The following SLIT3 variants were observed in gnomAD, a reference collection of about 807,000 sequenced individuals.
SLIT3 encodes the protein slit guidance ligand 3.
A neutral mutation model predicts 184.0 loss-of-function variants in SLIT3; 68 were observed. That is an observed-to-expected ratio of 0.37 (90% CI 0.30 to 0.45). The LOEUF (loss-of-function observed/expected upper bound fraction) is 0.45, where lower values mean the gene tolerates loss of function less well. Ranked by LOEUF, SLIT3 falls within the 20% of genes least tolerant of loss-of-function variation. The pLI, the probability that SLIT3 is intolerant of heterozygous loss-of-function variation, is 1.00. For synonymous variants in SLIT3, 831 were observed against 828.6 expected (o/e 1.00, Z -0.05); for missense variants, 1,707 against 2,026.0 (o/e 0.84, Z 3.02).
intron 6 of SLIT3, among the ~76,000 whole-genome samples, chr5:168,830,085 G>A (rs996264649): frequency 2.6e-5 from 4 of 152,280 alleles, no homozygotes; most frequent in African/African-American, 9.6e-5. Context: ...CAGGCCCTAC[G>A]ACACTCAGGT....
At chr5:168,739,364 G>T (rs1365963853) in intron 20 of SLIT3, among the ~76,000 whole-genome samples, 1 of 151,956 alleles carries the variant, frequency 6.6e-6, no homozygotes, top group Middle Eastern at 3.2e-3. Flanking sequence ...AATCAAAGAA[G>T]AACACCCATA....
intron 1 of SLIT3, among the ~76,000 whole-genome samples, chr5:169,263,274 C>T (rs1486403813): frequency 6.6e-6 from 1 of 152,086 alleles, no homozygotes; most frequent in Non-Finnish European, 1.5e-5. Context: ...CCCAGGGGGG[C>T]AGAGGCTGCA....
chr5:169,102,981 T>G (rs967780164), intron 4 of SLIT3, among the ~76,000 whole-genome samples: 3 of 152,210 alleles, frequency 2.0e-5, no homozygotes, highest in African/African-American at 4.8e-5. Context: ...AAACTGAATC[T>G]TCGCTAAAAC....
intron 1 of SLIT3, among the ~76,000 whole-genome samples, chr5:169,299,497 A>G (rs1387477499): frequency 6.6e-6 from 1 of 152,040 alleles, no homozygotes; most frequent in Non-Finnish European, 1.5e-5. Flanking sequence ...GAGGGAATCT[A>G]CCACACTAGA....
At chr5:168,818,739 G>C (rs115607812) in intron 7 of SLIT3, among the ~76,000 whole-genome samples, 1,785 of 152,286 alleles carry the variant, frequency 0.012, 17 homozygotes, top group African/African-American at 0.028. Context: ...TCTTGACCAA[G>C]CTCCACTTAG....
intron 4 of SLIT3, among the ~76,000 whole-genome samples, chr5:169,078,743 G>A (rs1758846638): frequency 6.6e-6 from 1 of 152,182 alleles, no homozygotes; most frequent in Non-Finnish European, 1.5e-5. Context: ...CAGTGTGGTA[G>A]GTGATATGTA....
intron 4 of SLIT3, among the ~76,000 whole-genome samples, chr5:169,107,216 C>T (rs1212706574): frequency 6.6e-6 from 1 of 152,236 alleles, no homozygotes; most frequent in African/African-American, 2.4e-5. Flanking sequence ...GTCTCCCTCT[C>T]TCTTTTTCAT....
chr5:168,700,966 G>C (rs545347647), intron 26 of SLIT3, among the ~76,000 whole-genome samples: 4 of 152,356 alleles, frequency 2.6e-5, no homozygotes, highest in African/African-American at 9.6e-5. Context: ...TGCAGGGCAA[G>C]AGCCCAGGCT....
chr5:169,045,414 T>G (rs1488394187), intron 4 of SLIT3, among the ~76,000 whole-genome samples: 1 of 144,674 alleles, frequency 6.9e-6, no homozygotes, highest in Admixed American at 7.0e-5. Context: ...TTCTTCCAAG[T>G]GTAGTCCATG....
intron 4 of SLIT3, among the ~76,000 whole-genome samples, chr5:169,061,014 A>C (rs934184314): frequency 5.3e-5 from 8 of 152,096 alleles, no homozygotes; most frequent in Non-Finnish European, 7.4e-5. Context: ...CAACTTTGTC[A>C]CCTCCCTGCA....
At chr5:169,100,932 C>T (rs1412530530) in intron 4 of SLIT3, among the ~76,000 whole-genome samples, 1 of 152,182 alleles carries the variant, frequency 6.6e-6, no homozygotes, top group Non-Finnish European at 1.5e-5. Flanking sequence ...CTCAAAGTGT[C>T]CTTCTGTGTT....
intron 4 of SLIT3, among the ~76,000 whole-genome samples, chr5:169,159,579 C>A (rs148078161): frequency 1.3e-5 from 2 of 151,342 alleles, no homozygotes. Flanking sequence ...ATCGAGACCA[C>A]CCTGGCTAAC....
chr5:169,216,889 G>C lies in SLIT3; in HGVS notation c.342-23339C>G, dbSNP rs555666152. Among the ~76,000 whole-genome samples the C allele has an allele frequency of 5.3e-5, 8 of 152,266 alleles. No homozygotes were observed. The South Asian group carries it at 1.7e-3, about 32-fold the overall frequency. Reference sequence around the variant, plus strand: ...GAGCCGATAGGTATTGCTACGGGGAGATGCGTGGCTCGGATGTTAATTGCT... The same window carrying C: ...GAGCCGATAGGTATTGCTACGGGGACATGCGTGGCTCGGATGTTAATTGCT... On this transcript the variant is annotated intron_variant, in intron 3 of 35. Coordinates refer to ENST00000519560, the MANE Select transcript of SLIT3 (RefSeq NM_003062.4).
chr5:169,139,703 A>AC lies in SLIT3; in HGVS notation c.413+53775dup, dbSNP rs565466529. On this transcript the variant is annotated intron_variant, in intron 4 of 35. Coordinates refer to ENST00000519560, the MANE Select transcript of SLIT3 (RefSeq NM_003062.4). ...GGAAATAGTTAGTGATGGAGGGAAC[A>AC]CGAGGTGCTGACAATATCATACAGG... Among the ~76,000 whole-genome samples, 278 of 152,340 alleles carry AC rather than the reference A, an allele frequency of 1.8e-3. 1 individual carries two copies. Among genetic ancestry groups the AC allele is most frequent in the African/African-American group, 6.3e-3 (263 of 41,582 alleles).
At chr5:168,773,546 G>T (rs1265968904) in intron 13 of SLIT3, among the ~76,000 whole-genome samples, 12 of 152,116 alleles carry the variant, frequency 7.9e-5, no homozygotes, top group Admixed American at 7.9e-4. Flanking sequence ...TGGCTACAGA[G>T]GCAACAAGCA....
At chr5:169,272,889 T>A (rs565994383) in intron 1 of SLIT3, among the ~76,000 whole-genome samples, 15 of 152,190 alleles carry the variant, frequency 9.9e-5, no homozygotes, top group African/African-American at 3.6e-4. Flanking sequence ...TCTCTTCTTG[T>A]CATGCTTAAT....
Position 168,666,321 on chromosome 5 carries a change from C to CT in SLIT3, c.*132dup, listed in dbSNP as rs1761039892. 6 of 808,786 alleles carry CT rather than the reference C, an allele frequency of 7.4e-6. No homozygotes were observed. In the South Asian group the frequency reaches 1.3e-4, roughly 18 times the overall value. The allele number at this position is 808,786 out of a possible 1,614,324, so 50.1% of individuals were successfully genotyped here. On this transcript the variant is annotated 3_prime_UTR_variant, in exon 36 of 36. Coordinates refer to ENST00000519560, the MANE Select transcript of SLIT3 (RefSeq NM_003062.4). ...TATTTTTTGTTTATTTTACAATATA[C>CT]TTAATATTCTCTTCTTCTTTACCTT...
At chr5:169,187,108 T>C (rs901939051) in intron 4 of SLIT3, among the ~76,000 whole-genome samples, 1 of 131,826 alleles carries the variant, frequency 7.6e-6, no homozygotes, top group Non-Finnish European at 1.6e-5. Context: ...TATGCAGCTA[T>C]AGGTTTTTTT....
chr5:169,157,372 T>C (rs565413021), intron 4 of SLIT3, among the ~76,000 whole-genome samples: 6 of 152,316 alleles, frequency 3.9e-5, no homozygotes, highest in Admixed American at 3.9e-4. Flanking sequence ...GGAGGCCATG[T>C]GGGAAACAGT....
Sources: allele counts gnomAD v4.1 joint callset (sites outside exome capture counted in the v4.1 genomes callset), GRCh38; gene constraint gnomAD v4.1.1; transcripts MANE v1.5; gene names NCBI Gene and HGNC (gene_info 2026-07-23, HGNC 2026-07-21).